LRRTM4: variants seen among roughly 807,000 people sequenced by gnomAD.
LRRTM4 encodes the protein leucine rich repeat transmembrane neuronal 4.
LRRTM4 carries 25 observed loss-of-function variants against 47.6 expected under a neutral mutation model. That is an observed-to-expected ratio of 0.53 (90% confidence interval 0.38 to 0.73). The LOEUF (loss-of-function observed/expected upper bound fraction) is 0.73. Among genes scored for constraint, LRRTM4 ranks in the 30% least tolerant of loss-of-function variants. The pLI, the probability that LRRTM4 is intolerant of heterozygous loss-of-function variation, is 0.00. For synonymous variants in LRRTM4, 311 were observed against 269.5 expected, an observed-to-expected ratio of 1.15 and a Z score of -1.51; for missense variants, 638 against 713.4, an observed-to-expected ratio of 0.89 and a Z score of 1.20.
intron 3 of LRRTM4, among the ~76,000 whole-genome samples, chr2:76,840,205 T>C (rs974168223): frequency 5.9e-5 from 9 of 152,204 alleles, no homozygotes; most frequent in Non-Finnish European, 1.3e-4. Flanking sequence ...AAATGCATAA[T>C]GATCAACTTG....
chr2:76,955,951 A>G (rs552559857), intron 3 of LRRTM4, among the ~76,000 whole-genome samples: 4 of 151,846 alleles, frequency 2.6e-5, no homozygotes, highest in Admixed American at 2.6e-4. Flanking sequence ...TAAAATGGCA[A>G]AAGTAAATTA....
Position 76,844,289 on chromosome 2 carries a change from C to G in LRRTM4, c.1552-95373G>C, listed in dbSNP as rs553646077. 8.8e-4 allele frequency among the ~76,000 whole-genome samples: 133 copies of G among 151,922 alleles called. 1 individual carries two copies. Among genetic ancestry groups the G allele is most frequent in the Non-Finnish European group, 1.5e-3 (101 of 67,952 alleles). Reference sequence around the variant, plus strand: ...AGCTGGGACTACAGACGCATGCCACCACGCCCGGCTAATTTTTTTGTATTT... The same window carrying G: ...AGCTGGGACTACAGACGCATGCCACGACGCCCGGCTAATTTTTTTGTATTT... On this transcript the variant is annotated intron_variant, in intron 3 of 3. Transcript: ENST00000409884.
intron 3 of LRRTM4, among the ~76,000 whole-genome samples, chr2:76,791,544 G>C (rs1674973120): frequency 6.6e-6 from 1 of 152,178 alleles, no homozygotes; most frequent in South Asian, 2.1e-4. Context: ...CTCTACTTGA[G>C]CATAAATATT....
intron 3 of LRRTM4, among the ~76,000 whole-genome samples, chr2:77,044,716 GTA>G (rs1203731877): frequency 4.0e-5 from 6 of 151,476 alleles, no homozygotes; most frequent in Non-Finnish European, 7.4e-5. Context: ...ATACATTTAT[GTA>G]TATGTCTCAT....
intron 3 of LRRTM4, among the ~76,000 whole-genome samples, chr2:76,890,531 TTAATA>T (rs1381339360): frequency 6.6e-6 from 1 of 151,956 alleles, no homozygotes; most frequent in Non-Finnish European, 1.5e-5. Flanking sequence ...AGTTAACACT[TTAATA>T]TGTTTGTGCA....
At chr2:77,359,311 T>G (rs1672090876) in intron 3 of LRRTM4, among the ~76,000 whole-genome samples, 1 of 152,142 alleles carries the variant, frequency 6.6e-6, no homozygotes, top group Admixed American at 6.5e-5. Context: ...AACTAATTAT[T>G]CAAATGAGAT....
intron 3 of LRRTM4, among the ~76,000 whole-genome samples, chr2:77,370,322 T>A (rs1301074753): frequency 6.6e-6 from 1 of 151,726 alleles, no homozygotes; most frequent in Non-Finnish European, 1.5e-5. Flanking sequence ...GATGAAGTCA[T>A]GAAAGGAGTA....
chr2:77,392,331 C>G (rs554593483), intron 3 of LRRTM4, among the ~76,000 whole-genome samples: 4 of 151,360 alleles, frequency 2.6e-5, no homozygotes, highest in Non-Finnish European at 5.9e-5. Context: ...ATGTACAAAA[C>G]TAAACTGTAG....
chr2:77,224,498 T>G (rs945263099), intron 3 of LRRTM4, among the ~76,000 whole-genome samples: 1 of 152,010 alleles, frequency 6.6e-6, no homozygotes, highest in African/African-American at 2.4e-5. Context: ...TACAATGAAC[T>G]CAAACAAATT....
intron 3 of LRRTM4, among the ~76,000 whole-genome samples, chr2:77,035,474 T>G (rs1678806107): frequency 6.6e-6 from 1 of 151,898 alleles, no homozygotes; most frequent in African/African-American, 2.4e-5. Context: ...CACACCTTCA[T>G]AACCTCAGGC....
At chr2:77,155,351 A>C (rs143152033) in intron 3 of LRRTM4, among the ~76,000 whole-genome samples, 85 of 152,096 alleles carry the variant, frequency 5.6e-4, no homozygotes, top group African/African-American at 1.9e-3. Flanking sequence ...AAAAAAATAG[A>C]ATTTTTAATT....
chr2:77,455,225 T>G (rs116189930), intron 3 of LRRTM4, among the ~76,000 whole-genome samples: 1,915 of 152,282 alleles, frequency 0.013, 24 homozygotes, highest in African/African-American at 0.042. Context: ...TGAAAGTGTT[T>G]AAATTTCATG....
chr2:76,781,550 A>T (rs1209907104), intron 3 of LRRTM4, among the ~76,000 whole-genome samples: 2 of 151,206 alleles, frequency 1.3e-5, no homozygotes, highest in East Asian at 2.0e-4. Flanking sequence ...TCTTTGACTC[A>T]GAAAGGGAAC....
intron 3 of LRRTM4, among the ~76,000 whole-genome samples, chr2:77,038,530 A>C (rs1217385475): frequency 1.3e-5 from 2 of 151,564 alleles, no homozygotes; most frequent in Non-Finnish European, 3.0e-5. Context: ...CCCAATACTG[A>C]CTAGATACAA....
At chr2:77,014,942 T>G (rs1678007081) in intron 3 of LRRTM4, among the ~76,000 whole-genome samples, 1 of 152,234 alleles carries the variant, frequency 6.6e-6, no homozygotes, top group African/African-American at 2.4e-5. Flanking sequence ...ATGTGTCAAC[T>G]TGGCTAGCCT....
rs1359837523 is a variant in LRRTM4 at position 76,879,491 on chromosome 2, G to A, written c.1552-130575C>T. Among the ~76,000 whole-genome samples, 5 of 152,302 alleles carry A rather than the reference G, an allele frequency of 3.3e-5. No individual in the cohort carries two copies. In the East Asian group the frequency reaches 9.7e-4, roughly 29 times the overall value. On this transcript the variant is annotated intron_variant, in intron 3 of 3. Transcript: ENST00000409884. ...GTTTCCTGAATATTTTAAGGCCACTGATGAGACTTACTGCTTGGTAATAAA... is the reference window on the plus strand; with the variant it reads ...GTTTCCTGAATATTTTAAGGCCACTAATGAGACTTACTGCTTGGTAATAAA...
intron 3 of LRRTM4, among the ~76,000 whole-genome samples, chr2:77,163,162 C>T (rs763566595): frequency 2.4e-4 from 37 of 151,962 alleles, no homozygotes; most frequent in African/African-American, 6.0e-4. Context: ...AACCATGGCA[C>T]GAGAACTATG....
intron 3 of LRRTM4, among the ~76,000 whole-genome samples, chr2:77,434,183 G>T (rs1014323450): frequency 6.6e-6 from 1 of 151,754 alleles, no homozygotes; most frequent in African/African-American, 2.4e-5. Context: ...TGACATCAGC[G>T]TTAGGATGTT....
intron 3 of LRRTM4, among the ~76,000 whole-genome samples, chr2:77,404,826 A>G (rs1558727368): frequency 6.6e-6 from 1 of 152,136 alleles, no homozygotes; most frequent in Non-Finnish European, 1.5e-5. Flanking sequence ...CTAATTAAAA[A>G]TGGCCACAGG....
Sources: allele counts gnomAD v4.1 joint callset (sites outside exome capture counted in the v4.1 genomes callset), GRCh38; gene constraint gnomAD v4.1.1; transcripts MANE v1.5; gene names NCBI Gene and HGNC (gene_info 2026-07-23, HGNC 2026-07-21).